Variants in ZNF385D observed in about 807,000 individuals in gnomAD.
ZNF385D encodes the protein zinc finger protein 659.
In ZNF385D, 15 loss-of-function variants were observed where a neutral mutation model predicts 35.8. That is an observed-to-expected ratio of 0.42 (90% CI 0.28 to 0.64). ZNF385D has a LOEUF of 0.64. Among genes scored for constraint, ZNF385D ranks in the 30% least tolerant of loss-of-function variants. The pLI is 0.23. For synonymous variants in ZNF385D, 212 were observed against 186.8 expected, an observed-to-expected ratio of 1.13 and a Z score of -1.10; for missense variants, 474 against 494.6, an observed-to-expected ratio of 0.96 and a Z score of 0.39.
intron 1 of ZNF385D, among the ~76,000 whole-genome samples, chr3:21,686,588 G>A (rs1007565785): frequency 6.6e-6 from 1 of 151,928 alleles, no homozygotes; most frequent in Non-Finnish European, 1.5e-5. Context: ...AATAATAAAG[G>A]AATATTTTAC....
chr3:22,309,237 C>A (rs1339590908), intron 2 of ZNF385D, among the ~76,000 whole-genome samples: 2 of 151,982 alleles, frequency 1.3e-5, no homozygotes, highest in South Asian at 2.1e-4. Context: ...AAGGCAGCAC[C>A]ATCTTCAATT....
chr3:21,886,687 T>A (rs963983866), intron 3 of ZNF385D, among the ~76,000 whole-genome samples: 2 of 152,160 alleles, frequency 1.3e-5, no homozygotes, highest in African/African-American at 4.8e-5. Flanking sequence ...ACAGCTGATA[T>A]ATATTTATGT....
At chr3:21,988,792 C>T (rs1372316000) in intron 3 of ZNF385D, among the ~76,000 whole-genome samples, 1 of 152,072 alleles carries the variant, frequency 6.6e-6, no homozygotes, top group Non-Finnish European at 1.5e-5. Context: ...GCAGTTTGAT[C>T]TCAGACTGCT....
chr3:22,140,357 C>T (rs186747694), intron 3 of ZNF385D, among the ~76,000 whole-genome samples: 205 of 152,168 alleles, frequency 1.3e-3, no homozygotes, highest in African/African-American at 4.7e-3. Flanking sequence ...TCTATTTATA[C>T]AACATTTTCA....
chr3:21,588,735 T>C (rs1052592697), intron 2 of ZNF385D, among the ~76,000 whole-genome samples: 6 of 152,114 alleles, frequency 3.9e-5, no homozygotes, highest in Admixed American at 6.6e-5. Flanking sequence ...TTATCAAGAA[T>C]AGATAAACCA....
chr3:22,025,352 T>C (rs1219217163), intron 3 of ZNF385D, among the ~76,000 whole-genome samples: 1 of 152,122 alleles, frequency 6.6e-6, no homozygotes, highest in Non-Finnish European at 1.5e-5. Context: ...TGTGGACCTA[T>C]AACTAAAGTC....
At chr3:21,713,091 G>GA (rs1368622834) in intron 1 of ZNF385D, among the ~76,000 whole-genome samples, 1 of 152,214 alleles carries the variant, frequency 6.6e-6, no homozygotes, top group Non-Finnish European at 1.5e-5. Flanking sequence ...AAGGCCAAGA[G>GA]AATACCCTAT....
intron 1 of ZNF385D, among the ~76,000 whole-genome samples, chr3:21,702,367 G>A (rs566246015): frequency 3.9e-5 from 6 of 152,316 alleles, no homozygotes; most frequent in East Asian, 1.9e-4. Context: ...AGCTGAGACA[G>A]AGGGCACCAA....
chr3:21,919,704 CA>C (rs780535967), intron 3 of ZNF385D, among the ~76,000 whole-genome samples: 1 of 152,188 alleles, frequency 6.6e-6, no homozygotes, highest in Non-Finnish European at 1.5e-5. Context: ...TGTCTTTTCA[CA>C]GTTGCTCATA....
chr3:21,848,053 T>A (rs1235205733), intron 3 of ZNF385D, among the ~76,000 whole-genome samples: 2 of 152,060 alleles, frequency 1.3e-5, no homozygotes, highest in Non-Finnish European at 1.5e-5. Context: ...ACTATTTAAA[T>A]ACCTTATATA....
intron 2 of ZNF385D, among the ~76,000 whole-genome samples, chr3:22,296,411 C>A (rs998259508): frequency 6.6e-6 from 1 of 152,030 alleles, no homozygotes; most frequent in Non-Finnish European, 1.5e-5. Context: ...CAGCTGGGTT[C>A]TCCAGGAAGA....
intron 3 of ZNF385D, among the ~76,000 whole-genome samples, chr3:21,867,963 A>G (rs906672410): frequency 2.6e-5 from 4 of 152,170 alleles, no homozygotes; most frequent in Admixed American, 6.6e-5. Flanking sequence ...TGGCCACTAT[A>G]TTGACCAGTA....
intron 1 of ZNF385D, among the ~76,000 whole-genome samples, chr3:21,698,915 C>T (rs2067568620): frequency 1.3e-5 from 2 of 152,104 alleles, no homozygotes; most frequent in South Asian, 2.1e-4. Flanking sequence ...AGTTCAACCA[C>T]TGTGGAAGAC....
chr3:22,294,812 G>A (rs1451836245), intron 2 of ZNF385D, among the ~76,000 whole-genome samples: 2 of 152,062 alleles, frequency 1.3e-5, no homozygotes, highest in East Asian at 3.9e-4. Context: ...AATATATTTT[G>A]CATTTTATAA....
intron 3 of ZNF385D, among the ~76,000 whole-genome samples, chr3:22,090,496 CT>C (rs1701272616): frequency 6.6e-6 from 1 of 151,812 alleles, no homozygotes; most frequent in Non-Finnish European, 1.5e-5. Context: ...TGACCCTGAG[CT>C]CTTACAGAGA....
chr3:21,487,741 T>G (rs888543489), intron 4 of ZNF385D, among the ~76,000 whole-genome samples: 12 of 152,128 alleles, frequency 7.9e-5, no homozygotes, highest in African/African-American at 2.9e-4. Context: ...ACATCTTGGT[T>G]CCAGCTAAAT....
intron 3 of ZNF385D, among the ~76,000 whole-genome samples, chr3:22,098,943 A>C (rs1320854918): frequency 1.3e-5 from 2 of 152,082 alleles, no homozygotes; most frequent in Non-Finnish European, 2.9e-5. Context: ...TTAAGCCAGA[A>C]ATAATTTTTA....
intron 2 of ZNF385D, among the ~76,000 whole-genome samples, chr3:22,259,400 T>G (rs1700500778): frequency 6.6e-6 from 1 of 151,950 alleles, no homozygotes; most frequent in African/African-American, 2.4e-5. Flanking sequence ...CTTGCTTGAC[T>G]CTGCCAAATA....
chr3:21,887,033 G>C (rs530958772), intron 3 of ZNF385D, among the ~76,000 whole-genome samples: 1 of 152,218 alleles, frequency 6.6e-6, no homozygotes, highest in African/African-American at 2.4e-5. Context: ...CTTGGGAGCA[G>C]CATTTATTGA....
Sources: gnomAD v4.1 joint callset for allele counts (sites outside exome capture counted in the v4.1 genomes callset) on GRCh38, gnomAD v4.1.1 for gene constraint, MANE v1.5 for transcripts, NCBI Gene and HGNC (gene_info 2026-07-23, HGNC 2026-07-21) for gene names.